The following NRXN3 variants were observed in gnomAD, a reference collection of about 807,000 sequenced individuals.
The protein encoded by NRXN3 is neurexin 3.
A neutral mutation model predicts 137.6 loss-of-function variants in NRXN3; 32 were observed. The observed-to-expected ratio is 0.23, with a 90% confidence interval of 0.18 to 0.31. The LOEUF is 0.31. Among genes scored for constraint, NRXN3 ranks in the 10% least tolerant of loss-of-function variants. The probability of loss-of-function intolerance (pLI) is 1.00; values close to 1 mark genes in which losing one functional copy is unlikely to be tolerated. For synonymous variants in NRXN3, 798 were observed against 784.5 expected, an observed-to-expected ratio of 1.02 and a Z score of -0.29; for missense variants, 1,574 against 2,062.5, an observed-to-expected ratio of 0.76 and a Z score of 4.59.
At chr14:79,787,786 T>G (rs1359146794) in intron 19 of NRXN3, among the ~76,000 whole-genome samples, 2 of 152,190 alleles carry the variant, frequency 1.3e-5, no homozygotes, top group Admixed American at 1.3e-4. Flanking sequence ...TATATCACAT[T>G]TAAAAAATTT....
At chr14:78,669,665 T>C (rs917681033) in intron 6 of NRXN3, among the ~76,000 whole-genome samples, 1 of 152,052 alleles carries the variant, frequency 6.6e-6, no homozygotes, top group African/African-American at 2.4e-5. Flanking sequence ...TCCCTTTTTC[T>C]GGGAAAGGGA....
intron 4 of NRXN3, among the ~76,000 whole-genome samples, chr14:78,418,684 C>T (rs949043383): frequency 4.6e-5 from 7 of 152,090 alleles, no homozygotes; most frequent in African/African-American, 7.2e-5. Context: ...CTTTTATTCC[C>T]GGTATATGTC....
intron 1 of NRXN3, among the ~76,000 whole-genome samples, chr14:78,224,076 A>G (rs891829248): frequency 1.4e-4 from 22 of 152,034 alleles, no homozygotes; most frequent in Non-Finnish European, 2.8e-4. Context: ...CACACCATCG[A>G]AAATACAGAC....
chr14:79,297,001 A>C (rs1004496291), intron 15 of NRXN3, among the ~76,000 whole-genome samples: 1 of 152,136 alleles, frequency 6.6e-6, no homozygotes, highest in African/African-American at 2.4e-5. Context: ...CCAACCATTC[A>C]TATTCACCAC....
intron 15 of NRXN3, among the ~76,000 whole-genome samples, chr14:79,388,974 T>C (rs2094745048): frequency 6.6e-6 from 1 of 152,174 alleles, no homozygotes; most frequent in Non-Finnish European, 1.5e-5. Flanking sequence ...GCCTTTCTTC[T>C]CCTTAGCCTT....
chr14:79,253,726 A>G (rs2076227990), intron 15 of NRXN3, among the ~76,000 whole-genome samples: 1 of 152,200 alleles, frequency 6.6e-6, no homozygotes, highest in Non-Finnish European at 1.5e-5. Context: ...AACACTTTTA[A>G]AGCCATCAGC....
At chr14:79,217,141 A>AAAG (rs1555869919) in intron 15 of NRXN3, among the ~76,000 whole-genome samples, 1 of 149,596 alleles carries the variant, frequency 6.7e-6, no homozygotes, top group African/African-American at 2.5e-5. Context: ...TGTCTCAAAA[A>AAAG]AAAGAAAGAA....
intron 10 of NRXN3, among the ~76,000 whole-genome samples, chr14:78,834,106 G>GGGA (rs550543337): frequency 3.9e-5 from 6 of 152,154 alleles, no homozygotes; most frequent in Admixed American, 6.5e-5. Context: ...GAGTGAACAA[G>GGGA]GGAGGGGTGG....
At chr14:78,751,110 A>G (rs2098639360) in intron 8 of NRXN3, among the ~76,000 whole-genome samples, 1 of 152,166 alleles carries the variant, frequency 6.6e-6, no homozygotes, top group South Asian at 2.1e-4. Flanking sequence ...CTATAATACC[A>G]GCTATGCTCA....
At chr14:79,302,558 G>A (rs546304743) in intron 15 of NRXN3, among the ~76,000 whole-genome samples, 153 of 151,940 alleles carry the variant, frequency 1.0e-3, no homozygotes, top group African/African-American at 3.6e-3. Context: ...GATATGGTTC[G>A]ACTCTGTGTC....
At chr14:78,732,785 A>G (rs1454620129) in intron 8 of NRXN3, among the ~76,000 whole-genome samples, 2 of 152,200 alleles carry the variant, frequency 1.3e-5, no homozygotes, top group African/African-American at 2.4e-5. Flanking sequence ...TAGACATGAG[A>G]GAAAGGTTAG....
At chr14:78,806,863 C>T (rs1012678710) in intron 9 of NRXN3, among the ~76,000 whole-genome samples, 3 of 152,138 alleles carry the variant, frequency 2.0e-5, no homozygotes, top group African/African-American at 7.2e-5. Context: ...TCTCATGGAT[C>T]TCATGCGATT....
chr14:79,352,928 TA>T (rs1566886374), intron 15 of NRXN3, among the ~76,000 whole-genome samples: 1 of 152,146 alleles, frequency 6.6e-6, no homozygotes. Flanking sequence ...TCAAAATGTT[TA>T]TTCAGCTTCC....
intron 15 of NRXN3, chr14:79,313,962 T>C (rs1187998202): frequency 1.3e-5 from 2 of 149,010 alleles, no homozygotes; most frequent in Non-Finnish European, 3.0e-5. Context: ...CATCCAGCTT[T>C]GTTCTGTTGC....
At chr14:79,375,875 T>C (rs2094258242) in intron 15 of NRXN3, among the ~76,000 whole-genome samples, 1 of 151,902 alleles carries the variant, frequency 6.6e-6, no homozygotes, top group South Asian at 2.1e-4. Flanking sequence ...GAGATTATTC[T>C]TAGAAATGTT....
chr14:79,583,800 A>G (rs563916520), intron 16 of NRXN3, among the ~76,000 whole-genome samples: 16 of 152,294 alleles, frequency 1.1e-4, no homozygotes, highest in African/African-American at 3.8e-4. Flanking sequence ...AAATAGAGGG[A>G]ACGATGAACT....
At chr14:78,916,939 T>C (rs1354792204) in intron 10 of NRXN3, among the ~76,000 whole-genome samples, 1 of 152,204 alleles carries the variant, frequency 6.6e-6, no homozygotes, top group Non-Finnish European at 1.5e-5. Context: ...CTGCTGAACA[T>C]GTCTGTGTCC....
At chr14:79,296,779 G>A (rs1315361585) in intron 15 of NRXN3, among the ~76,000 whole-genome samples, 1 of 152,180 alleles carries the variant, frequency 6.6e-6, no homozygotes, top group Non-Finnish European at 1.5e-5. Flanking sequence ...AACTGGTTTT[G>A]TAAATCCCTG....
intron 4 of NRXN3, among the ~76,000 whole-genome samples, chr14:78,316,990 A>G (rs1038045374): frequency 6.6e-6 from 1 of 152,160 alleles, no homozygotes; most frequent in African/African-American, 2.4e-5. Context: ...ATATATATGC[A>G]CATGATGATT....
Sources: allele counts gnomAD v4.1 joint callset (sites outside exome capture counted in the v4.1 genomes callset), GRCh38; gene constraint gnomAD v4.1.1; transcripts MANE v1.5; gene names NCBI Gene and HGNC (gene_info 2026-07-23, HGNC 2026-07-21).